Variants in CSMD3 observed in about 807,000 individuals in gnomAD.
CSMD3 encodes the protein CUB and sushi domain-containing protein 3.
CSMD3 carries 177 observed loss-of-function variants against 435.2 expected under a neutral mutation model. That is an observed-to-expected ratio of 0.41 (90% confidence interval 0.36 to 0.46). The LOEUF (loss-of-function observed/expected upper bound fraction) is 0.46. Among genes scored for constraint, CSMD3 ranks in the 20% least tolerant of loss-of-function variants. The pLI is 0.34. For synonymous variants in CSMD3, 1,656 were observed against 1,520.5 expected (o/e 1.09, Z -2.07); for missense variants, 4,265 against 4,504.6 (o/e 0.95, Z 1.52).
At position 112,954,901 on chromosome 8, in the gene CSMD3, T is replaced by G. The variant is rs945558517; in HGVS notation, c.1343-140A>C. The G allele has an allele frequency of 6.4e-6, 4 of 625,194 alleles. No individual in the cohort carries two copies. The African/African-American group carries it at 7.4e-5, about 12-fold the overall frequency. 38.7% of individuals were successfully genotyped at this position (625,194 alleles called of 1,614,324 possible). On this transcript the variant is annotated intron_variant, in intron 7 of 70. Coordinates refer to ENST00000297405, the MANE Select transcript of CSMD3 (RefSeq NM_198123.2). Reference sequence around the variant, plus strand: ...AGCCTGATATAGTACCCAGAAGAATTTTTTTTAAAGCAATATAATCACTTA... The same window carrying G: ...AGCCTGATATAGTACCCAGAAGAATGTTTTTTAAAGCAATATAATCACTTA...
chr8:112,940,256 T>C (rs2083411650), intron 9 of CSMD3, among the ~76,000 whole-genome samples: 1 of 151,860 alleles, frequency 6.6e-6, no homozygotes, highest in East Asian at 1.9e-4. Flanking sequence ...AGCATTTTAA[T>C]AATCCAGATA....
chr8:113,409,527 A>G (rs928453029), intron 1 of CSMD3, among the ~76,000 whole-genome samples: 2 of 152,166 alleles, frequency 1.3e-5, no homozygotes, highest in Non-Finnish European at 2.9e-5. Flanking sequence ...GGCACTGTAT[A>G]TTCATGCCTA....
chr8:112,523,272 C>T lies in CSMD3; in HGVS notation c.4565-6047G>A, dbSNP rs749261341. ...GTTCCCTGAATCTTTCCTGCCTTAT[C>T]TGTAAAACTGGCCTAGGAATATTTC... On this transcript the variant is annotated intron_variant, in intron 27 of 70. Transcript: ENST00000297405. Among the ~76,000 whole-genome samples the T allele has an allele frequency of 5.3e-5, 8 of 151,966 alleles. No individual in the cohort carries two copies. The East Asian group carries it at 5.8e-4, about 11-fold the overall frequency.
At chr8:113,264,670 A>G (rs546469603) in intron 3 of CSMD3, among the ~76,000 whole-genome samples, 2 of 151,610 alleles carry the variant, frequency 1.3e-5, no homozygotes, top group Non-Finnish European at 3.0e-5. Context: ...ATTTTTAAAC[A>G]AAGAAATATT....
chr8:113,312,941 AAAAG>A (rs1478403827), intron 2 of CSMD3: 1 of 152,212 alleles, frequency 6.6e-6, no homozygotes, highest in African/African-American at 2.4e-5. Flanking sequence ...ATAGAGGAAA[AAAAG>A]AAAGAAAAAT....
chr8:113,022,279 G>C (rs1050940865), intron 5 of CSMD3, among the ~76,000 whole-genome samples: 1 of 151,872 alleles, frequency 6.6e-6, no homozygotes, highest in Admixed American at 6.6e-5. Context: ...AAATCACTGT[G>C]GTCATTTAAG....
At chr8:112,738,794 C>A (rs1289289280) in intron 13 of CSMD3, among the ~76,000 whole-genome samples, 1 of 151,612 alleles carries the variant, frequency 6.6e-6, no homozygotes, top group African/African-American at 2.4e-5. Context: ...AAATAAAAAG[C>A]AATAACTTTA....
At chr8:112,245,381 A>G (rs1006734460) in intron 64 of CSMD3, among the ~76,000 whole-genome samples, 6 of 152,150 alleles carry the variant, frequency 3.9e-5, no homozygotes, top group Non-Finnish European at 7.3e-5. Context: ...ATAGATATAC[A>G]TCCATAAAAG....
At chr8:112,661,191 T>C (rs1197031223) in intron 17 of CSMD3, among the ~76,000 whole-genome samples, 1 of 152,004 alleles carries the variant, frequency 6.6e-6, no homozygotes, top group African/African-American at 2.4e-5. Context: ...AGTAACGCTA[T>C]AGAAATTAAT....
intron 61 of CSMD3, among the ~76,000 whole-genome samples, chr8:112,263,398 T>A (rs1344376221): frequency 1.3e-5 from 2 of 152,158 alleles, no homozygotes; most frequent in Non-Finnish European, 2.9e-5. Context: ...AGGCTGTCTC[T>A]AATTTGAGAA....
At chr8:112,456,918 ATTAAC>A in intron 32 of CSMD3, among the ~76,000 whole-genome samples, 2 of 152,276 alleles carry the variant, frequency 1.3e-5, no homozygotes, top group East Asian at 3.9e-4. Flanking sequence ...AAATACAAAC[ATTAAC>A]TTATCAGTCA....
chr8:113,125,393 T>A (rs985897996), intron 4 of CSMD3, among the ~76,000 whole-genome samples: 1 of 151,894 alleles, frequency 6.6e-6, no homozygotes, highest in African/African-American at 2.4e-5. Context: ...CAGGTAAGGA[T>A]TTGGGGCTGG....
At chr8:112,319,766 A>C (rs1822817211) in intron 46 of CSMD3, 135 bp downstream of exon 46, 1 of 718,394 alleles carries the variant, frequency 1.4e-6, no homozygotes, top group African/African-American at 1.8e-5. Flanking sequence ...CTTCTTAAAA[A>C]TTCTAAATAA....
chr8:113,420,673 C>T (rs1367912653), intron 1 of CSMD3, among the ~76,000 whole-genome samples: 2 of 151,888 alleles, frequency 1.3e-5, no homozygotes, highest in South Asian at 4.1e-4. Flanking sequence ...TTAGGCCAGG[C>T]GGGGTGGCTC....
At chr8:112,940,963 C>T (rs2083434034) in intron 9 of CSMD3, among the ~76,000 whole-genome samples, 1 of 151,584 alleles carries the variant, frequency 6.6e-6, no homozygotes. Context: ...GTCACACATA[C>T]AGAAACATGA....
chr8:112,586,678 A>T (rs1830755950), intron 23 of CSMD3, among the ~76,000 whole-genome samples: 1 of 151,056 alleles, frequency 6.6e-6, no homozygotes, highest in South Asian at 2.1e-4. Context: ...TACAAATAGA[A>T]ACAAGTCACT....
At chr8:112,877,626 A>G (rs1656104933) in intron 10 of CSMD3, among the ~76,000 whole-genome samples, 1 of 152,174 alleles carries the variant, frequency 6.6e-6, no homozygotes, top group Non-Finnish European at 1.5e-5. Context: ...CTCAGCAAAA[A>G]GAACAAAGCT....
intron 36 of CSMD3, among the ~76,000 whole-genome samples, chr8:112,386,758 A>G (rs997446985): frequency 6.6e-6 from 1 of 152,094 alleles, no homozygotes; most frequent in African/African-American, 2.4e-5. Flanking sequence ...CGGCCCCCCA[A>G]AGTGCTGGGA....
intron 22 of CSMD3, among the ~76,000 whole-genome samples, chr8:112,597,396 G>A (rs1831836592): frequency 6.9e-6 from 1 of 145,912 alleles, no homozygotes; most frequent in South Asian, 2.3e-4. Flanking sequence ...ACCAAAAAGA[G>A]TCCAGGACCA....
Sources: gnomAD v4.1 joint callset for allele counts (sites outside exome capture counted in the v4.1 genomes callset) on GRCh38, gnomAD v4.1.1 for gene constraint, MANE v1.5 for transcripts, NCBI Gene and HGNC (gene_info 2026-07-23, HGNC 2026-07-21) for gene names.